NRG1: variants seen among roughly 807,000 people sequenced by gnomAD.
NRG1 encodes neuregulin 1.
Under a neutral mutation model 63.8 loss-of-function variants are expected in NRG1, and 18 were observed. The observed-to-expected ratio is 0.28, with a 90% confidence interval of 0.19 to 0.42. The LOEUF is 0.42. Among genes scored for constraint, NRG1 ranks in the 10% least tolerant of loss-of-function variants. The pLI is 1.00. For missense variants in NRG1, 762 were observed against 814.7 expected, an observed-to-expected ratio of 0.94 and a Z score of 0.79; for synonymous variants, 302 against 301.3, an observed-to-expected ratio of 1.00 and a Z score of -0.02.
intron 1 of NRG1, among the ~76,000 whole-genome samples, chr8:32,552,982 A>G (rs1475807851): frequency 8.5e-5 from 13 of 152,182 alleles, no homozygotes. Context: ...AAACAGATGT[A>G]TATTGTGTAT....
At chr8:32,376,115 A>G (rs1809591040) in intron 1 of NRG1, among the ~76,000 whole-genome samples, 1 of 152,244 alleles carries the variant, frequency 6.6e-6, no homozygotes, top group South Asian at 2.1e-4. Context: ...AAAACTAGGT[A>G]TAACAATGAA....
chr8:31,910,598 C>G (rs370705135), intron 1 of NRG1, among the ~76,000 whole-genome samples: 1 of 152,058 alleles, frequency 6.6e-6, no homozygotes, highest in Admixed American at 6.5e-5. Context: ...AGAGACATCT[C>G]AGTAGAAGAT....
chr8:32,188,175 TC>T (rs1269881569), intron 1 of NRG1, among the ~76,000 whole-genome samples: 2 of 152,050 alleles, frequency 1.3e-5, no homozygotes, highest in African/African-American at 4.8e-5. Context: ...CAAGCTATTC[TC>T]CTGCCTCAGC....
intron 1 of NRG1, among the ~76,000 whole-genome samples, chr8:31,927,820 T>C (rs1214636106): frequency 6.6e-6 from 1 of 151,320 alleles, no homozygotes; most frequent in African/African-American, 2.4e-5. Flanking sequence ...GAATTTGTCC[T>C]GCTATAATCT....
At chr8:31,843,016 AAC>A (rs1309425866) in intron 1 of NRG1, among the ~76,000 whole-genome samples, 9 of 152,334 alleles carry the variant, frequency 5.9e-5, no homozygotes, top group African/African-American at 2.2e-4. Flanking sequence ...TATGCGTATT[AAC>A]ACAGATATGT....
chr8:31,872,880 T>A (rs1178253792), intron 1 of NRG1, among the ~76,000 whole-genome samples: 1 of 152,254 alleles, frequency 6.6e-6, no homozygotes, highest in Admixed American at 6.5e-5. Flanking sequence ...TGGCCATTCA[T>A]CATTCTGTAA....
chr8:31,849,435 C>A (rs926703278), intron 1 of NRG1, among the ~76,000 whole-genome samples: 1 of 152,206 alleles, frequency 6.6e-6, no homozygotes, highest in Non-Finnish European at 1.5e-5. Context: ...TCATTTCAGA[C>A]AACATATATT....
intron 1 of NRG1, among the ~76,000 whole-genome samples, chr8:32,555,672 C>T (rs1334681297): frequency 1.3e-5 from 2 of 152,114 alleles, no homozygotes; most frequent in Non-Finnish European, 2.9e-5. Flanking sequence ...GGGGTTTCAC[C>T]GTGTTAGCCA....
chr8:32,186,713 C>G (rs1563885820), intron 1 of NRG1, among the ~76,000 whole-genome samples: 1 of 152,138 alleles, frequency 6.6e-6, no homozygotes, highest in Non-Finnish European at 1.5e-5. Flanking sequence ...TTAACAAGAT[C>G]TCTTGGAGAT....
intron 1 of NRG1, among the ~76,000 whole-genome samples, chr8:31,962,007 T>G (rs965598887): frequency 7.2e-5 from 11 of 152,026 alleles, no homozygotes; most frequent in African/African-American, 2.7e-4. Context: ...CTCATGAACT[T>G]TGGCAGATCT....
intron 1 of NRG1, among the ~76,000 whole-genome samples, chr8:32,411,035 C>G (rs1814861147): frequency 1.3e-5 from 2 of 152,116 alleles, no homozygotes; most frequent in African/African-American, 4.8e-5. Context: ...ACCACCATGC[C>G]CAGCTAATTT....
At chr8:32,629,494 AT>A (rs1849891802) in intron 5 of NRG1, among the ~76,000 whole-genome samples, 1 of 152,194 alleles carries the variant, frequency 6.6e-6, no homozygotes, top group Admixed American at 6.5e-5. Flanking sequence ...TTGGATTATC[AT>A]TTTTTAAGTT....
At chr8:32,125,254 T>C (rs1019318272) in intron 1 of NRG1, among the ~76,000 whole-genome samples, 3 of 151,968 alleles carry the variant, frequency 2.0e-5, no homozygotes, top group Non-Finnish European at 4.4e-5. Context: ...TATTGTGTTA[T>C]AGCAACATGA....
At chr8:32,105,924 G>A (rs571085260) in intron 1 of NRG1, among the ~76,000 whole-genome samples, 90 of 152,094 alleles carry the variant, frequency 5.9e-4, no homozygotes, top group African/African-American at 2.1e-3. Flanking sequence ...TTCCACCCAG[G>A]GTTTCTTTTG....
intron 1 of NRG1, among the ~76,000 whole-genome samples, chr8:31,666,320 C>T (rs984823153): frequency 2.0e-5 from 3 of 152,076 alleles, no homozygotes; most frequent in Non-Finnish European, 4.4e-5. Flanking sequence ...TTTGTGTTTC[C>T]TGGGAAAGCT....
chr8:31,883,296 C>T (rs2129612976), intron 1 of NRG1, among the ~76,000 whole-genome samples: 1 of 152,198 alleles, frequency 6.6e-6, no homozygotes, highest in East Asian at 1.9e-4. Context: ...AAGGTATGTA[C>T]ATTTTTCAGA....
chr8:32,492,083 T>C (rs1826653367), intron 1 of NRG1, among the ~76,000 whole-genome samples: 1 of 151,750 alleles, frequency 6.6e-6, no homozygotes, highest in Non-Finnish European at 1.5e-5. Context: ...AAGAAATGTA[T>C]CCAGCTGAGA....
At chr8:32,747,162 A>G (rs978205801) in intron 7 of NRG1, among the ~76,000 whole-genome samples, 2 of 152,170 alleles carry the variant, frequency 1.3e-5, no homozygotes, top group Non-Finnish European at 2.9e-5. Context: ...TGGGCATGCT[A>G]CTAATTTTAT....
At chr8:31,769,028 T>G (rs934264704) in intron 1 of NRG1, among the ~76,000 whole-genome samples, 11 of 152,080 alleles carry the variant, frequency 7.2e-5, no homozygotes, top group African/African-American at 2.4e-4. Context: ...AAAAAAAAAT[T>G]TTCAGGTATG....
Sources: gnomAD v4.1 joint callset for allele counts (sites outside exome capture counted in the v4.1 genomes callset) on GRCh38, gnomAD v4.1.1 for gene constraint, MANE v1.5 for transcripts, NCBI Gene and HGNC (gene_info 2026-07-23, HGNC 2026-07-21) for gene names.